Variants in EML5 observed in about 807,000 individuals in gnomAD.
EML5 encodes the protein echinoderm microtubule-associated protein-like 5.
EML5 carries 120 observed loss-of-function variants against 250.0 expected under a neutral mutation model. That is an observed-to-expected ratio of 0.48 (90% CI 0.41 to 0.56). The LOEUF (loss-of-function observed/expected upper bound fraction) is 0.56. EML5 is among the 20% of genes least tolerant of loss of function. The pLI, the probability that EML5 is intolerant of heterozygous loss-of-function variation, is 0.00. For missense variants in EML5, 2,006 were observed against 2,437.6 expected (o/e 0.82, Z 3.73); for synonymous variants, 771 against 806.5 (o/e 0.96, Z 0.75).
rs1324008006 is a variant in EML5, at chr14:88,614,543, C to T, written c.*1275G>A. On this transcript the variant is annotated 3_prime_UTR_variant, in exon 44 of 44. Transcript: ENST00000554922. ...CAGGAACCTAAAGCGATCTATTATGCTATAAAGATAATTAACACATTAAAA... is the reference window on the plus strand; with the variant it reads ...CAGGAACCTAAAGCGATCTATTATGTTATAAAGATAATTAACACATTAAAA... 6.6e-6 allele frequency: 1 copy of T among 152,126 alleles called. No homozygotes were observed. The highest frequency in any genetic ancestry group is 1.5e-5 in the Non-Finnish European group (1 of 68,018). The allele number at this position is 152,126 out of a possible 1,614,324, so 9.4% of individuals were successfully genotyped here.
intron 2 of EML5, among the ~76,000 whole-genome samples, chr14:88,752,824 G>A (rs2094115264): frequency 6.6e-6 from 1 of 152,192 alleles, no homozygotes; most frequent in Non-Finnish European, 1.5e-5. Flanking sequence ...CTGTAGAGAA[G>A]GAGAGAAGAG....
chr14:88,663,125 A>G lies in EML5; in HGVS notation c.3410-6T>C. The G allele has an allele frequency of 6.5e-7, 1 of 1,530,974 alleles. No individual in the cohort carries two copies. The highest frequency in any genetic ancestry group is 8.8e-7 in the Non-Finnish European group (1 of 1,138,306). The allele number at this position is 1,530,974 out of a possible 1,614,324, so 94.8% of individuals were successfully genotyped here. On this transcript the variant is annotated splice_polypyrimidine_tract_variant and splice_region_variant and intron_variant, in intron 23 of 43. Coordinates refer to ENST00000554922, the MANE Select transcript of EML5 (RefSeq NM_183387.3). ...GTTGACCTGTAAAAGCTTTCCTTCAAAAAAATTTTTAAAAATATTTACACA... is the reference window on the plus strand; with the variant it reads ...GTTGACCTGTAAAAGCTTTCCTTCAGAAAAATTTTTAAAAATATTTACACA...
chr14:88,752,990 C>G (rs781098410), intron 2 of EML5, among the ~76,000 whole-genome samples: 10 of 152,176 alleles, frequency 6.6e-5, no homozygotes, highest in Non-Finnish European at 1.0e-4. Flanking sequence ...GTTCGTGTAA[C>G]CTGGTTCTTC....
intron 10 of EML5, among the ~76,000 whole-genome samples, chr14:88,710,346 C>T (rs1213198011): frequency 1.3e-5 from 2 of 152,166 alleles, no homozygotes; most frequent in Non-Finnish European, 2.9e-5. Context: ...ACATAAACTA[C>T]TTCTATTATT....
chr14:88,665,242 G>C, intron 22 of EML5, 95 bp downstream of exon 22: 2 of 1,337,388 alleles, frequency 1.5e-6, no homozygotes, highest in Non-Finnish European at 2.0e-6. Context: ...GTTAAGTTCT[G>C]AGATAACATA....
intron 17 of EML5, among the ~76,000 whole-genome samples, chr14:88,688,983 A>G (rs966291118): frequency 6.6e-6 from 1 of 152,324 alleles, no homozygotes; most frequent in Non-Finnish European, 1.5e-5. Flanking sequence ...ATTTTTCTAT[A>G]AATATCATCC....
intron 7 of EML5, among the ~76,000 whole-genome samples, 178 bp from the exon 8 acceptor site, chr14:88,726,856 T>A (rs1009119376): frequency 1.7e-4 from 26 of 152,214 alleles, no homozygotes; most frequent in Non-Finnish European, 2.9e-5. Flanking sequence ...ATGACAGAAG[T>A]TGATAGAATC....
rs376978825 is a variant in EML5 at position 88,696,233 on chromosome 14, A to G, written c.2344+614T>C. 4.6e-5 allele frequency among the ~76,000 whole-genome samples: 7 copies of G among 152,072 alleles called. No homozygotes were observed. In the South Asian group the frequency reaches 1.0e-3, roughly 23 times the overall value. ...GATAATTTATCACTTCAGTCAGAGC[A>G]GCAAAAGCATTAATTCACTGTTTCT... On this transcript the variant is annotated intron_variant, in intron 15 of 43. Transcript: ENST00000554922.
At position 88,658,385 on chromosome 14, in the gene EML5, T is replaced by C; in HGVS notation, c.3679A>G (p.Lys1227Glu). ...VKLFRYPTKG[K>E]FGKFKRYVAH... is the part of the protein sequence containing the mutation. ...ACATACCTCTTAAACTTTCCAAATT[T>C]CCCCTAAAGAGGAAGAAAATTCAAA... The change falls in exon 26 of 44, where the codon AAA becomes GAA. Residue 1227 changes from lysine (K) to glutamate (E), a missense_variant. Physicochemically the swap from Lys to Glu is moderately conservative, Grantham distance 56. This residue lies in a region of EML5 where 1,375 missense variants were observed against 1,590.3 expected (regional missense o/e 0.86). Coordinates refer to ENST00000554922, the MANE Select transcript of EML5 (RefSeq NM_183387.3). The C allele has an allele frequency of 6.3e-7, 1 of 1,586,946 alleles. No individual in the cohort carries two copies. Among genetic ancestry groups the C allele is most frequent in the South Asian group, 1.2e-5 (1 of 84,158 alleles).
At chr14:88,748,056 TG>T (rs1430679731) in intron 2 of EML5, among the ~76,000 whole-genome samples, 2 of 152,226 alleles carry the variant, frequency 1.3e-5, no homozygotes, top group African/African-American at 4.8e-5. Flanking sequence ...TTCTAGACCA[TG>T]GCACAGAAAG....
intron 1 of EML5, among the ~76,000 whole-genome samples, chr14:88,782,052 C>T (rs765466942): frequency 3.9e-5 from 6 of 152,054 alleles, no homozygotes; most frequent in Non-Finnish European, 4.4e-5. Context: ...TGGAGGGCTC[C>T]GAAGACAGGA....
intron 27 of EML5, among the ~76,000 whole-genome samples, 170 bp downstream of exon 27, chr14:88,657,206 T>C (rs1156672496): frequency 6.6e-6 from 1 of 152,176 alleles, no homozygotes; most frequent in East Asian, 1.9e-4. Context: ...TCACCCAGGC[T>C]GATACCAAAA....
intron 1 of EML5, among the ~76,000 whole-genome samples, chr14:88,791,116 CCT>C (rs1277483075): frequency 2.6e-5 from 4 of 152,196 alleles, no homozygotes; most frequent in East Asian, 1.9e-4. Context: ...TCTTGCCCTA[CCT>C]CTGTTTGTCC....
chr14:88,665,552 TGTGGTG>T, intron 21 of EML5, 63 bp from the exon 22 acceptor site: 1 of 1,598,428 alleles, frequency 6.3e-7, no homozygotes. Flanking sequence ...ATGGGCCAGG[TGTGGTG>T]GCTCATGCCT....
intron 21 of EML5, among the ~76,000 whole-genome samples, chr14:88,680,231 T>C (rs2092688418): frequency 6.6e-6 from 1 of 152,206 alleles, no homozygotes; most frequent in Non-Finnish European, 1.5e-5. Flanking sequence ...AAAATAGTTA[T>C]TTAATTACAT....
At position 88,744,135 on chromosome 14, in the gene EML5, A is replaced by C. The variant is rs1310573422; in HGVS notation, c.457-44T>G. On this transcript the variant is annotated intron_variant, in intron 3 of 43. Transcript: ENST00000554922. ...CATGATTAAAATACTTATTTCCAGAATCATTTAAAAATCCTGTCCAAAAGA... is the reference window on the plus strand; with the variant it reads ...CATGATTAAAATACTTATTTCCAGACTCATTTAAAAATCCTGTCCAAAAGA... The C allele has an allele frequency of 4.3e-6, 6 of 1,405,314 alleles. No homozygotes were observed. In the East Asian group the frequency reaches 1.3e-4, roughly 30 times the overall value. 87.1% of individuals were successfully genotyped at this position (1,405,314 alleles called of 1,614,324 possible). A position where few individuals can be genotyped will look rare whatever the true frequency, so the allele number is the denominator to read the frequency against.
Position 88,687,196 on chromosome 14 carries a change from C to G in EML5, c.2854+20G>C. On this transcript the variant is annotated intron_variant, in intron 19 of 43. Coordinates refer to ENST00000554922, the MANE Select transcript of EML5 (RefSeq NM_183387.3). ...TAATCTTTTTTTCCTATACAAAAAC[C>G]CCACTAAGTCTCAAATCACCTTTAG... 1 of 1,570,460 alleles carries G rather than the reference C, an allele frequency of 6.4e-7. No individual in the cohort carries two copies. Among genetic ancestry groups the G allele is most frequent in the Non-Finnish European group, 8.7e-7 (1 of 1,150,628 alleles).
intron 1 of EML5, among the ~76,000 whole-genome samples, chr14:88,757,511 C>T (rs1299774702): frequency 6.6e-6 from 1 of 151,538 alleles, no homozygotes; most frequent in Non-Finnish European, 1.5e-5. Context: ...TAAGGACAAT[C>T]ATCAAGAACA....
intron 28 of EML5, 25 bp from the exon 29 acceptor site, chr14:88,646,980 A>G: frequency 6.3e-7 from 1 of 1,587,822 alleles, no homozygotes. Context: ...ATAAAGAGGG[A>G]AAAAGATTAC....
Sources: gnomAD v4.1 joint callset for allele counts (sites outside exome capture counted in the v4.1 genomes callset) on GRCh38, gnomAD v4.1.1 for gene constraint, gnomAD v4.1.1 regional missense constraint, MANE v1.5 for transcripts, NCBI Gene and HGNC (gene_info 2026-07-23, HGNC 2026-07-21) for gene names.